Variants in RGS7BP observed in about 807,000 individuals in gnomAD.
The protein encoded by RGS7BP is regulator of G protein signaling 7 binding protein, also known as regulator of G protein signaling 7-binding protein.
In RGS7BP, 9 loss-of-function variants were observed where a neutral mutation model predicts 31.3. The observed-to-expected ratio is 0.29, with a 90% CI of 0.17 to 0.50. RGS7BP has a LOEUF of 0.50. Among genes scored for constraint, RGS7BP ranks in the 20% least tolerant of loss-of-function variants. RGS7BP has a pLI of 0.98. For synonymous variants in RGS7BP, 115 were observed against 120.1 expected (o/e 0.96, Z 0.28); for missense variants, 274 against 322.0 (o/e 0.85, Z 1.14).
chr5:64,557,289 G>C (rs1442567342), intron 2 of RGS7BP, among the ~76,000 whole-genome samples: 1 of 152,148 alleles, frequency 6.6e-6, no homozygotes, highest in African/African-American at 2.4e-5. Flanking sequence ...TACCCAAGCA[G>C]ATTTGTCCTG....
chr5:64,594,503 C>T (rs1026903822), intron 3 of RGS7BP, among the ~76,000 whole-genome samples: 4 of 152,106 alleles, frequency 2.6e-5, no homozygotes, highest in Admixed American at 6.6e-5. Flanking sequence ...CTGTCTTTCC[C>T]GGAATGTTGT....
At position 64,609,328 on chromosome 5, in the gene RGS7BP, C is replaced by T. The variant is rs546187115; in HGVS notation, c.*76C>T. The stretch of plus-strand genomic sequence containing the variant: ...CCCGAGGACCTCCAGACAGCTGAAC[C>T]ACACAGTTATTGGTTTTTGACTATG... On this transcript the variant is annotated 3_prime_UTR_variant, in exon 6 of 6. Coordinates refer to ENST00000334025, the MANE Select transcript of RGS7BP (RefSeq NM_001029875.3). 1.3e-5 allele frequency: 11 copies of T among 829,768 alleles called. No homozygotes were observed. The Admixed American group carries it at 1.9e-4, about 14-fold the overall frequency. The allele number at this position is 829,768 out of a possible 1,614,324, so 51.4% of individuals were successfully genotyped here.
intron 5 of RGS7BP, among the ~76,000 whole-genome samples, chr5:64,605,449 G>C (rs748944962): frequency 1.3e-5 from 2 of 152,020 alleles, no homozygotes; most frequent in Non-Finnish European, 2.9e-5. Context: ...CTGATGCTCT[G>C]GCCCCACCCC....
intron 2 of RGS7BP, among the ~76,000 whole-genome samples, chr5:64,545,044 T>C (rs372568454): frequency 4.1e-4 from 62 of 151,670 alleles, no homozygotes; most frequent in African/African-American, 1.5e-3. Flanking sequence ...GGTGTGGTGG[T>C]GGGCACCTGT....
At chr5:64,589,924 C>CAA (rs77321289) in intron 3 of RGS7BP, among the ~76,000 whole-genome samples, 4 of 104,404 alleles carry the variant, frequency 3.8e-5, no homozygotes, top group African/African-American at 1.1e-4. Context: ...GACCCTGACT[C>CAA]AAAAAAAAAA....
At position 64,606,577 on chromosome 5, in the gene RGS7BP, A is replaced by T. The variant is rs147709193; in HGVS notation, c.683-2584A>T. Among the ~76,000 whole-genome samples, 46 of 152,242 alleles carry T rather than the reference A, an allele frequency of 3.0e-4. 1 individual carries two copies. In the East Asian group the frequency reaches 8.3e-3, roughly 28 times the overall value. On this transcript the variant is annotated intron_variant, in intron 5 of 5. Coordinates refer to ENST00000334025, the MANE Select transcript of RGS7BP (RefSeq NM_001029875.3). ...AAGTGTATTCAGAGTCCAAAGAGAC[A>T]CTGAAAGGTAAAATTCTTTACCCCT...
At chr5:64,606,484 A>G (rs1235702592) in intron 5 of RGS7BP, among the ~76,000 whole-genome samples, 1 of 152,054 alleles carries the variant, frequency 6.6e-6, no homozygotes, top group African/African-American at 2.4e-5. Context: ...TTTCCCATAA[A>G]TATCTTCATA....
At chr5:64,544,710 G>C (rs1247497183) in intron 2 of RGS7BP, among the ~76,000 whole-genome samples, 1 of 151,912 alleles carries the variant, frequency 6.6e-6, no homozygotes, top group Non-Finnish European at 1.5e-5. Flanking sequence ...TATACTAGTT[G>C]GTAAGGGAAA....
intron 2 of RGS7BP, among the ~76,000 whole-genome samples, chr5:64,544,840 G>A (rs1741612539): frequency 6.6e-6 from 1 of 152,118 alleles, no homozygotes; most frequent in Non-Finnish European, 1.5e-5. Flanking sequence ...AAAATGACTA[G>A]GCTGAAGAGG....
chr5:64,506,792 G>A lies in RGS7BP; in HGVS notation c.165+3G>A, dbSNP rs1485886755. The A allele has an allele frequency of 1.3e-6, 2 of 1,546,300 alleles. No homozygotes were observed. The highest frequency in any genetic ancestry group is 4.6e-5 in the East Asian group (2 of 43,794). ...GAGCCCTGGACGACTGCAAGATGGT[G>A]GGTGAAAACTGCGCCTCTTTTTTTT... On this transcript the variant is annotated splice_donor_region_variant and intron_variant, in intron 1 of 5. Transcript: ENST00000334025. This position sits in a 1 kb window ranked among gnomAD's most constrained non-coding sequence, Gnocchi z 4.6.
chr5:64,611,442 A>T lies in RGS7BP; in HGVS notation c.*2190A>T, dbSNP rs540027367. Reference sequence around the variant, plus strand: ...GTTAACTTGTGTTCATTCTCACCTTAGCCTCAGTGTGAAAGTAACACTTAC... The same window carrying T: ...GTTAACTTGTGTTCATTCTCACCTTTGCCTCAGTGTGAAAGTAACACTTAC... On this transcript the variant is annotated 3_prime_UTR_variant, in exon 6 of 6. Coordinates refer to ENST00000334025, the MANE Select transcript of RGS7BP (RefSeq NM_001029875.3). 83 of 152,316 alleles carry T rather than the reference A, an allele frequency of 5.4e-4. No individual in the cohort carries two copies. The highest frequency in any genetic ancestry group is 1.7e-3 in the African/African-American group (71 of 41,468). The allele number at this position is 152,316 out of a possible 1,614,324, so 9.4% of individuals were successfully genotyped here.
At chr5:64,508,476 A>C (rs1748752068) in intron 2 of RGS7BP, among the ~76,000 whole-genome samples, 1 of 152,188 alleles carries the variant, frequency 6.6e-6, no homozygotes, top group African/African-American at 2.4e-5. Flanking sequence ...TTTGTCCCCC[A>C]AATTTTTATT....
At chr5:64,528,318 A>G (rs890040263) in intron 2 of RGS7BP, among the ~76,000 whole-genome samples, 1 of 152,192 alleles carries the variant, frequency 6.6e-6, no homozygotes, top group Non-Finnish European at 1.5e-5. Flanking sequence ...TCTTCCCTAG[A>G]GCATCCTGTG....
chr5:64,590,443 T>C (rs1399015532), intron 3 of RGS7BP, among the ~76,000 whole-genome samples: 2 of 152,068 alleles, frequency 1.3e-5, no homozygotes, highest in Non-Finnish European at 2.9e-5. Context: ...CATTAGGGTA[T>C]GAAACAGTTC....
At chr5:64,592,808 G>T (rs1035054187) in intron 3 of RGS7BP, among the ~76,000 whole-genome samples, 1 of 152,170 alleles carries the variant, frequency 6.6e-6, no homozygotes, top group African/African-American at 2.4e-5. Context: ...GAGGCCTTCA[G>T]GTTTTGAAAA....
At chr5:64,538,539 TC>T (rs1741440141) in intron 2 of RGS7BP, among the ~76,000 whole-genome samples, 36 of 87,094 alleles carry the variant, frequency 4.1e-4, no homozygotes, top group East Asian at 7.8e-4. Flanking sequence ...TTTTTTTTTT[TC>T]CTTTTCTTTT....
In RGS7BP at chr5:64,506,908, C is replaced by T; in HGVS notation, c.165+119C>T. 1 of 933,636 alleles carries T rather than the reference C, an allele frequency of 1.1e-6. No homozygotes were observed. The highest frequency in any genetic ancestry group is 2.6e-5 in the East Asian group (1 of 38,842). 57.8% of individuals were successfully genotyped at this position (933,636 alleles called of 1,614,324 possible). ...TCCCCCACCCTCAGCTCCTCAATGC[C>T]GATCACGTGGCACATGCACTATTTT... On this transcript the variant is annotated intron_variant, in intron 1 of 5. Coordinates refer to ENST00000334025, the MANE Select transcript of RGS7BP (RefSeq NM_001029875.3). This position sits in a 1 kb window ranked among gnomAD's most constrained non-coding sequence, Gnocchi z 4.6.
intron 2 of RGS7BP, among the ~76,000 whole-genome samples, chr5:64,544,541 G>A (rs1325437933): frequency 6.6e-6 from 1 of 151,688 alleles, no homozygotes; most frequent in South Asian, 2.1e-4. Flanking sequence ...AAGGGTAGTG[G>A]TGCATGCCTA....
chr5:64,583,975 C>T (rs1449950746), intron 3 of RGS7BP, among the ~76,000 whole-genome samples: 2 of 152,092 alleles, frequency 1.3e-5, no homozygotes, highest in Non-Finnish European at 2.9e-5. Flanking sequence ...TTATTTTATC[C>T]TCAAGTATAT....
Sources: allele counts gnomAD v4.1 joint callset (sites outside exome capture counted in the v4.1 genomes callset), GRCh38; gene constraint gnomAD v4.1.1; non-coding constraint Gnocchi (gnomAD v3.1); transcripts MANE v1.5; gene names NCBI Gene and HGNC (gene_info 2026-07-23, HGNC 2026-07-21).